ACAP2: variants seen among roughly 807,000 people sequenced by gnomAD.
ACAP2 encodes arf-GAP with coiled-coil, ANK repeat and PH domain-containing protein 2.
A neutral mutation model predicts 115.8 loss-of-function variants in ACAP2; 39 were observed. The ratio of observed to expected loss-of-function variants is 0.34; its 90% CI spans 0.26 to 0.44. ACAP2 has a LOEUF of 0.44. Among genes scored for constraint, ACAP2 ranks in the 20% least tolerant of loss-of-function variants. The probability of loss-of-function intolerance (pLI) is 1.00; values close to 1 mark genes in which losing one functional copy is unlikely to be tolerated. For missense variants in ACAP2, 662 were observed against 927.6 expected, an observed-to-expected ratio of 0.71 and a Z score of 3.72; for synonymous variants, 289 against 315.8, an observed-to-expected ratio of 0.92 and a Z score of 0.90.
At chr3:195,423,803 T>G (rs1714386277) in intron 1 of ACAP2, among the ~76,000 whole-genome samples, 1 of 152,160 alleles carries the variant, frequency 6.6e-6, no homozygotes, top group Admixed American at 6.5e-5. Context: ...TTATATAATT[T>G]TCATGTGTCA....
chr3:195,286,926 T>A (rs1726881450), intron 21 of ACAP2, among the ~76,000 whole-genome samples: 1 of 152,250 alleles, frequency 6.6e-6, no homozygotes, highest in Non-Finnish European at 1.5e-5. Flanking sequence ...ATCTTTCTTC[T>A]ACTGTAAATC....
At chr3:195,388,445 A>G (rs1734440864) in intron 2 of ACAP2, among the ~76,000 whole-genome samples, 1 of 152,360 alleles carries the variant, frequency 6.6e-6, no homozygotes, top group Admixed American at 6.5e-5. Context: ...TGCCACTCAT[A>G]AAGCCTTATT....
intron 7 of ACAP2, among the ~76,000 whole-genome samples, chr3:195,335,129 T>C (rs577690668): frequency 1.3e-5 from 2 of 152,326 alleles, no homozygotes; most frequent in African/African-American, 4.8e-5. Context: ...TTCAAATTTC[T>C]GTGTTTATAA....
At chr3:195,280,127 G>A (rs1726397564) in intron 22 of ACAP2, among the ~76,000 whole-genome samples, 1 of 152,076 alleles carries the variant, frequency 6.6e-6, no homozygotes, top group Non-Finnish European at 1.5e-5. Context: ...AGACCAGTCT[G>A]GGCAACATAG....
chr3:195,344,363 T>C (rs1560267152), intron 5 of ACAP2, among the ~76,000 whole-genome samples: 1 of 152,196 alleles, frequency 6.6e-6, no homozygotes, highest in Non-Finnish European at 1.5e-5. Flanking sequence ...TTTAATTTTA[T>C]ATATTCCCAG....
intron 4 of ACAP2, among the ~76,000 whole-genome samples, chr3:195,378,117 GAGAA>G (rs1463592735): frequency 2.0e-5 from 3 of 151,962 alleles, no homozygotes; most frequent in Non-Finnish European, 4.4e-5. Context: ...AGGAAGGAGA[GAGAA>G]AGAAAGTGAG....
intron 15 of ACAP2, among the ~76,000 whole-genome samples, chr3:195,298,578 G>T (rs1039683402): frequency 1.3e-5 from 2 of 151,738 alleles, no homozygotes; most frequent in Non-Finnish European, 2.9e-5. Flanking sequence ...CCTTAATCAT[G>T]AGCCCTTTTG....
At chr3:195,333,984 T>A (rs543314323) in intron 7 of ACAP2, among the ~76,000 whole-genome samples, 72 of 152,240 alleles carry the variant, frequency 4.7e-4, no homozygotes, top group Non-Finnish European at 7.1e-4. Flanking sequence ...AAAGCTGACA[T>A]TAATGGGCAG....
intron 4 of ACAP2, among the ~76,000 whole-genome samples, chr3:195,351,134 G>GT (rs1560275073): frequency 2.5e-5 from 2 of 79,440 alleles, no homozygotes; most frequent in Admixed American, 1.3e-4. Context: ...TTTTTTGGGC[G>GT]GGGGACAGGG....
At chr3:195,299,162 C>A (rs531055966) in intron 15 of ACAP2, among the ~76,000 whole-genome samples, 1 of 152,126 alleles carries the variant, frequency 6.6e-6, no homozygotes, top group African/African-American at 2.4e-5. Flanking sequence ...AGACTAGTAG[C>A]ACAGAAATCA....
intron 5 of ACAP2, 100 bp from the exon 6 acceptor site, chr3:195,342,754 G>C: frequency 2.3e-6 from 2 of 853,972 alleles, no homozygotes; most frequent in Non-Finnish European, 3.5e-6. Context: ...CCAGCACTTT[G>C]GGAGGCCGAG....
chr3:195,313,333 C>T, intron 10 of ACAP2, among the ~76,000 whole-genome samples: 1 of 152,156 alleles, frequency 6.6e-6, no homozygotes, highest in Non-Finnish European at 1.5e-5. Flanking sequence ...ATATAGATAG[C>T]ACCTCGCGCC....
At chr3:195,297,715 T>A (rs112602942) in intron 15 of ACAP2, among the ~76,000 whole-genome samples, 5 of 152,356 alleles carry the variant, frequency 3.3e-5, no homozygotes, top group African/African-American at 1.2e-4. Context: ...AGTTTTCACA[T>A]CTAGTTCCTA....
At chr3:195,368,473 A>G (rs1475722602) in intron 4 of ACAP2, among the ~76,000 whole-genome samples, 1 of 152,166 alleles carries the variant, frequency 6.6e-6, no homozygotes, top group African/African-American at 2.4e-5. Context: ...TGTAGTAATT[A>G]CTACTTTGCC....
chr3:195,402,479 T>C (rs1166654992), intron 1 of ACAP2, among the ~76,000 whole-genome samples: 1 of 152,218 alleles, frequency 6.6e-6, no homozygotes, highest in Non-Finnish European at 1.5e-5. Flanking sequence ...AAAAGTCCTC[T>C]TTTGGCATAC....
rs368465151 is a variant in ACAP2 at position 195,410,947 on chromosome 3, T to C, written c.54-18800A>G. 4.8e-5 allele frequency: 17 copies of C among 352,418 alleles called. No individual in the cohort carries two copies. The East Asian group carries it at 1.1e-3, about 22-fold the overall frequency. The allele number at this position is 352,418 out of a possible 1,614,324, so 21.8% of individuals were successfully genotyped here. On this transcript the variant is annotated intron_variant, in intron 1 of 22. Transcript: ENST00000326793. ...CAAGGTGCCATCTTGAAAGCAGAGATAGCTGGCCCTCACCAGACACTAATC... is the reference window on the plus strand; with the variant it reads ...CAAGGTGCCATCTTGAAAGCAGAGACAGCTGGCCCTCACCAGACACTAATC...
intron 21 of ACAP2, 47 bp from the exon 22 acceptor site, chr3:195,285,904 A>C (rs1397504689): frequency 1.4e-6 from 2 of 1,380,534 alleles, no homozygotes; most frequent in South Asian, 1.3e-5. Context: ...TATAATATAA[A>C]TGTCATAAAT....
At chr3:195,341,214 A>G (rs1053673378) in intron 6 of ACAP2, among the ~76,000 whole-genome samples, 20 of 151,974 alleles carry the variant, frequency 1.3e-4, no homozygotes, top group African/African-American at 4.8e-4. Flanking sequence ...TTGGAGACCT[A>G]TCACTTTCAG....
intron 2 of ACAP2, among the ~76,000 whole-genome samples, chr3:195,391,292 C>T (rs558396007): frequency 1.3e-4 from 19 of 147,564 alleles, no homozygotes; most frequent in Middle Eastern, 3.6e-3. Flanking sequence ...TGCAATGGCA[C>T]GATCTCAGCT....
Sources: gnomAD v4.1 joint callset for allele counts (sites outside exome capture counted in the v4.1 genomes callset) on GRCh38, gnomAD v4.1.1 for gene constraint, MANE v1.5 for transcripts, NCBI Gene and HGNC (gene_info 2026-07-23, HGNC 2026-07-21) for gene names.